Variants in ITGAE observed in about 807,000 individuals in gnomAD.
ITGAE encodes the protein integrin subunit alpha E.
Under a neutral mutation model 136.5 loss-of-function variants are expected in ITGAE, and 99 were observed. The ratio of observed to expected loss-of-function variants is 0.73; its 90% confidence interval spans 0.62 to 0.86. The LOEUF is 0.86. Ranked by LOEUF, ITGAE falls within the 40% of genes least tolerant of loss-of-function variation. The pLI is 0.00. For synonymous variants in ITGAE, 613 were observed against 591.8 expected (o/e 1.04, Z -0.52); for missense variants, 1,447 against 1,515.3 (o/e 0.95, Z 0.75).
chr17:3,761,647 C>T, intron 4 of ITGAE, 127 bp from the exon 5 acceptor site: 1 of 843,104 alleles, frequency 1.2e-6, no homozygotes, highest in South Asian at 1.7e-5. Flanking sequence ...AAGAGCTGGC[C>T]CACCCCTCAC....
rs183489922 is a variant in ITGAE at position 3,753,966 on chromosome 17, C to T, written c.1385-41G>A. On this transcript the variant is annotated intron_variant, in intron 12 of 30. Transcript: ENST00000263087. ...TGTGGCTGTGAACACACCGTGTGCT[C>T]CCACCTGGCCTCTCTCTTGGCCCCG... 2,739 of 1,594,272 alleles carry T rather than the reference C, an allele frequency of 1.7e-3. 7 individuals carry two copies. The highest frequency in any genetic ancestry group is 1.9e-3 in the Non-Finnish European group (2,227 of 1,165,444).
chr17:3,747,924 G>T lies in ITGAE; in HGVS notation c.2153C>A (p.Ser718Ter). The change falls in exon 17 of 31, where the codon TCA (serine) becomes TAA (stop). Residue 718 changes from serine (S) to a stop codon, truncating the protein, a stop_gained and splice_region_variant. Coordinates refer to ENST00000263087, the MANE Select transcript of ITGAE (RefSeq NM_002208.5). LOFTEE classifies it high-confidence loss of function. Reference sequence around the variant, plus strand: ...GGTCAGCTGGACCATTTTTTTACCTGACTCAGAGGCTGTGGTTACAGAGCT... The same window carrying T: ...GGTCAGCTGGACCATTTTTTTACCTTACTCAGAGGCTGTGGTTACAGAGCT... ...EISSVTTASE[S>*]GLREALLNFT... The T allele has an allele frequency of 6.2e-7, 1 of 1,601,996 alleles. No homozygotes were observed. The highest frequency in any genetic ancestry group is 1.1e-5 in the South Asian group (1 of 90,814).
chr17:3,734,750 A>G lies in ITGAE; in HGVS notation c.2655+67T>C, dbSNP rs2051423686. ...GGGGTGCCAGTGAGGGGGCCACCAC[A>G]GAAAAGCAGGCATGCAGCGAGGGAG... is the stretch of plus-strand genomic sequence containing the variant. On this transcript the variant is annotated intron_variant, in intron 21 of 30. Transcript: ENST00000263087. The G allele has an allele frequency of 6.3e-6, 10 of 1,597,252 alleles. No individual in the cohort carries two copies. In the South Asian group the frequency reaches 1.1e-4, roughly 18 times the overall value.
At chr17:3,726,438 G>T in intron 26 of ITGAE, 1 of 725,228 alleles carries the variant, frequency 1.4e-6, no homozygotes, top group Non-Finnish European at 2.3e-6. Context: ...CATTCTCACA[G>T]GTTTCCAGTC....
At position 3,757,832 on chromosome 17, in the gene ITGAE, G is replaced by A; in HGVS notation, c.894C>T (p.Gly298=). The A allele has an allele frequency of 6.2e-7, 1 of 1,614,180 alleles. No individual in the cohort carries two copies. The highest frequency in any genetic ancestry group is 8.5e-7 in the Non-Finnish European group (1 of 1,180,046). Residue 298 remains glycine (G), a synonymous_variant, in exon 9 of 31, where the codon GGC becomes GGT. Coordinates refer to ENST00000263087, the MANE Select transcript of ITGAE (RefSeq NM_002208.5). ...TGACCTTGGATGCCTTTCTCCTGGA[G>A]CCGTGGCTTGAGGTGAAGATGCTGT... The part of the protein sequence containing the change: ...VLDSIFTSSH[G]SRRKASKVMV...
intron 26 of ITGAE, chr17:3,724,598 G>C (rs371461510): frequency 4.3e-6 from 7 of 1,614,210 alleles, no homozygotes; most frequent in African/African-American, 2.7e-5. Flanking sequence ...CCTGCTCCCA[G>C]GAGGAAGCGA....
intron 23 of ITGAE, among the ~76,000 whole-genome samples, chr17:3,730,106 G>A (rs949379629): frequency 5.9e-5 from 9 of 152,048 alleles, no homozygotes; most frequent in African/African-American, 2.2e-4. Flanking sequence ...TGCTCTCACT[G>A]CAGAACAGGT....
chr17:3,795,882 T>TGCATCCGTGTGTGTGCATCTGTGTATGC (rs1401249506), intron 1 of ITGAE, among the ~76,000 whole-genome samples: 2 of 149,868 alleles, frequency 1.3e-5, no homozygotes, highest in Admixed American at 1.3e-4. Flanking sequence ...CGTGTGCGTG[T>TGCATCCGTGTGTGTGCATCTGTGTATGC]GCATCCGTGT....
intron 26 of ITGAE, chr17:3,725,281 C>A: frequency 6.2e-7 from 1 of 1,614,180 alleles, no homozygotes; most frequent in Non-Finnish European, 8.5e-7. Context: ...CCCTTAAACA[C>A]TCTAAGTATT....
chr17:3,739,490 G>A lies in ITGAE; in HGVS notation c.2522+315C>T, dbSNP rs2051534607. Among the ~76,000 whole-genome samples, 4 of 152,182 alleles carry A rather than the reference G, an allele frequency of 2.6e-5. No individual in the cohort carries two copies. In the South Asian group the frequency reaches 8.3e-4, roughly 32 times the overall value. ...TCTAACTGAGGTAGAGGTCAGCCTG[G>A]CTGTGAAGAACGCTGGGTTCTGAAT... On this transcript the variant is annotated intron_variant, in intron 20 of 30. Transcript: ENST00000263087.
At chr17:3,762,791 G>A (rs1047860624) in intron 3 of ITGAE, among the ~76,000 whole-genome samples, 1 of 151,658 alleles carries the variant, frequency 6.6e-6, no homozygotes, top group East Asian at 1.9e-4. Context: ...TAGTAGAGAC[G>A]GGATTTCACC....
chr17:3,755,409 G>T, intron 11 of ITGAE, 148 bp from the exon 12 acceptor site: 1 of 967,354 alleles, frequency 1.0e-6, no homozygotes, highest in Non-Finnish European at 1.5e-6. Context: ...AGAGATGCAG[G>T]CGGGAAGGTG....
chr17:3,742,921 G>A (rs1182716125), intron 19 of ITGAE, among the ~76,000 whole-genome samples: 1 of 152,216 alleles, frequency 6.6e-6, no homozygotes, highest in Non-Finnish European at 1.5e-5. Flanking sequence ...CAAAGTGTTG[G>A]GATTACAGGC....
Position 3,792,516 on chromosome 17 carries a change from G to A in ITGAE, c.34+8595C>T, listed in dbSNP as rs560022269. Among the ~76,000 whole-genome samples the A allele has an allele frequency of 1.4e-4, 21 of 152,166 alleles. 1 individual carries two copies. The highest frequency in any genetic ancestry group is 4.3e-4 in the African/African-American group (18 of 41,506). On this transcript the variant is annotated intron_variant, in intron 1 of 30. Coordinates refer to ENST00000263087, the MANE Select transcript of ITGAE (RefSeq NM_002208.5). ...ACATAATACAGGTAAGATAAAACTC[G>A]CTTAAAATAATGGGGCAGGCAAAAA...
At chr17:3,762,403 C>T (rs922837536) in intron 3 of ITGAE, among the ~76,000 whole-genome samples, 27 of 152,164 alleles carry the variant, frequency 1.8e-4, no homozygotes, top group African/African-American at 6.5e-4. Context: ...AGGAACCCCC[C>T]AGCCTCACAG....
intron 1 of ITGAE, among the ~76,000 whole-genome samples, chr17:3,782,380 T>G (rs1159632987): frequency 6.7e-6 from 1 of 150,068 alleles, no homozygotes; most frequent in African/African-American, 2.5e-5. Flanking sequence ...TACTTTTTTT[T>G]TTTTGAGATG....
chr17:3,721,319 C>CGGAAT (rs2051047313), intron 28 of ITGAE, among the ~76,000 whole-genome samples: 1 of 126,834 alleles, frequency 7.9e-6, no homozygotes, highest in Non-Finnish European at 1.6e-5. Flanking sequence ...TTACTCGGGC[C>CGGAAT]GGAATGGAGT....
In ITGAE at chr17:3,725,808, G is replaced by A. The variant is rs2143008594; in HGVS notation, c.3085-2064C>T. 6.2e-7 allele frequency: 1 copy of A among 1,611,270 alleles called. No individual in the cohort carries two copies. The highest frequency in any genetic ancestry group is 2.2e-5 in the East Asian group (1 of 44,846). On this transcript the variant is annotated intron_variant, in intron 26 of 30. Coordinates refer to ENST00000263087, the MANE Select transcript of ITGAE (RefSeq NM_002208.5). ...AACCAAGTTGTCTTCCTTGGCTACT[G>A]CAAAGAGCATTCTACACCAGCTCAC...
intron 18 of ITGAE, among the ~76,000 whole-genome samples, chr17:3,745,172 G>C: frequency 6.6e-6 from 1 of 151,746 alleles, no homozygotes; most frequent in East Asian, 1.9e-4. Context: ...CTTCCTTTTA[G>C]TTGTTCACTT....
Sources: gnomAD v4.1 joint callset for allele counts (sites outside exome capture counted in the v4.1 genomes callset) on GRCh38, gnomAD v4.1.1 for gene constraint, MANE v1.5 for transcripts, NCBI Gene and HGNC (gene_info 2026-07-23, HGNC 2026-07-21) for gene names.